EQTN: variants seen among roughly 807,000 people sequenced by gnomAD.
EQTN encodes the protein Acrosome formation associated factor.
EQTN carries 29 observed loss-of-function variants against 26.9 expected under a neutral mutation model. That is an observed-to-expected ratio of 1.08 (90% CI 0.80 to 1.47). The LOEUF (loss-of-function observed/expected upper bound fraction) is 1.47, where lower values mean the gene tolerates loss of function less well. EQTN is among the 40% of genes most tolerant of loss of function. The probability of loss-of-function intolerance (pLI) is 0.00; values close to 1 mark genes in which losing one functional copy is unlikely to be tolerated. For missense variants in EQTN, 391 were observed against 346.1 expected (o/e 1.13, Z -1.03); for synonymous variants, 129 against 120.0 (o/e 1.07, Z -0.49).
Position 27,297,084 on chromosome 9 carries a change from T to C in EQTN, c.-29A>G, listed in dbSNP as rs1465737555. 6.0e-6 allele frequency: 9 copies of C among 1,507,998 alleles called. No individual in the cohort carries two copies. Among genetic ancestry groups the C allele is most frequent in the Non-Finnish European group, 7.3e-6 (8 of 1,091,572 alleles). 93.4% of individuals were successfully genotyped at this position (1,507,998 alleles called of 1,614,324 possible). On this transcript the variant is annotated 5_prime_UTR_variant, in exon 1 of 8. Transcript: ENST00000380032. ...GAAATTGAAGTGATTTATCCAGTAA[T>C]CTAGTGCGTCTACCCAGAGCCTCCT...
At chr9:27,289,620 G>T in intron 6 of EQTN, 52 bp downstream of exon 6, 1 of 1,491,692 alleles carries the variant, frequency 6.7e-7, no homozygotes, top group Non-Finnish European at 9.2e-7. Context: ...AAAGTGCTGG[G>T]ATTATAGGCA....
Position 27,294,394 on chromosome 9 carries a change from T to G in EQTN, c.211A>C (p.Thr71Pro), listed in dbSNP as rs1488031325. 4 of 1,592,434 alleles carry G rather than the reference T, an allele frequency of 2.5e-6. No homozygotes were observed. The highest frequency in any genetic ancestry group is 3.4e-6 in the Non-Finnish European group (4 of 1,166,044). ...TCAGTGCCATTTGGATTTTGTGTTG[T>G]GAACACATCTAAAAACAAAAGCGAA... ...YYKDIKQYVF[T>P]TQNPNGTESE... The change falls in exon 3 of 8, where the codon ACA becomes CCA. Residue 71 changes from threonine to proline, a missense_variant. Transcript: ENST00000380032.
At chr9:27,288,803 G>T (rs1820170167) in intron 6 of EQTN, among the ~76,000 whole-genome samples, 1 of 152,236 alleles carries the variant, frequency 6.6e-6, no homozygotes, top group Non-Finnish European at 1.5e-5. Context: ...TCTAGAAAAG[G>T]CAAAACTATA....
chr9:27,296,294 C>A (rs1820341973), intron 2 of EQTN, among the ~76,000 whole-genome samples: 1 of 152,138 alleles, frequency 6.6e-6, no homozygotes, highest in Non-Finnish European at 1.5e-5. Context: ...GGTGACAGAG[C>A]AAGACTCTGT....
At position 27,289,821 on chromosome 9, in the gene EQTN, C is replaced by A. The variant is rs114864861; in HGVS notation, c.422-90G>T. On this transcript the variant is annotated intron_variant, in intron 5 of 7. Coordinates refer to ENST00000380032, the MANE Select transcript of EQTN (RefSeq NM_020641.3). ...TATGTGTATGTATAATTATAGTACC[C>A]AGTGTGTGTACAGTCTGTTCTCATT... 9.0e-4 allele frequency: 844 copies of A among 940,078 alleles called. 6 individuals carry two copies. The African/African-American group carries it at 0.012, about 14-fold the overall frequency. The allele number at this position is 940,078 out of a possible 1,614,324, so 58.2% of individuals were successfully genotyped here.
rs1230433726 is a variant in EQTN at position 27,294,327 on chromosome 9, G to A, written c.278C>T (p.Ala93Val). ...SVRATTDLNF[A>V]LKNDKTVNAT... Reference sequence around the variant, plus strand: ...CTTTCACTTCTTACCGTTTTTTAGAGCAAAATTCAGGTCAGTTGTGGCTCT... The same window carrying A: ...CTTTCACTTCTTACCGTTTTTTAGAACAAAATTCAGGTCAGTTGTGGCTCT... The change falls in exon 3 of 8, where the codon GCT (alanine) becomes GTT (valine). Residue 93 changes from alanine to valine, a missense_variant. Coordinates refer to ENST00000380032, the MANE Select transcript of EQTN (RefSeq NM_020641.3). 3.1e-6 allele frequency: 5 copies of A among 1,607,578 alleles called. No homozygotes were observed. Among genetic ancestry groups the A allele is most frequent in the Non-Finnish European group, 4.3e-6 (5 of 1,175,990 alleles).
intron 7 of EQTN, 27 bp downstream of exon 7, chr9:27,286,182 A>G: frequency 6.2e-7 from 1 of 1,607,176 alleles, no homozygotes; most frequent in Admixed American, 1.7e-5. Flanking sequence ...CATTTGTTGT[A>G]AAGACTGCAG....
chr9:27,285,171 A>G (rs1190426239), intron 7 of EQTN, among the ~76,000 whole-genome samples, 199 bp from the exon 8 acceptor site: 1 of 112,480 alleles, frequency 8.9e-6, no homozygotes, highest in Non-Finnish European at 1.7e-5. Flanking sequence ...TTGAGACAGA[A>G]TCTCACTCTA....
intron 2 of EQTN, among the ~76,000 whole-genome samples, chr9:27,294,910 C>G (rs1159445986): frequency 6.6e-6 from 1 of 152,134 alleles, no homozygotes; most frequent in African/African-American, 2.4e-5. Flanking sequence ...GTGGAGTTGG[C>G]TGCAATTCAA....
rs1820350954 is a variant in EQTN at position 27,296,658 on chromosome 9, G to C, written c.157C>G (p.Pro53Ala). Residue 53 changes from proline to alanine, a missense_variant, in exon 2 of 8, where the codon CCT becomes GCT. Coordinates refer to ENST00000380032, the MANE Select transcript of EQTN (RefSeq NM_020641.3). ...TAATTGCCATTTTTCTCATTAGCAG[G>C]AGCATAATTGGGAGTATGATCTTCA... is the stretch of plus-strand genomic sequence containing the variant. ...KNEDHTPNYA[P>A]ANEKNGNYYK... 2.5e-6 allele frequency: 4 copies of C among 1,586,760 alleles called. No homozygotes were observed. In the South Asian group the frequency reaches 3.4e-5, roughly 13 times the overall value.
chr9:27,290,250 T>G (rs1820206113), intron 5 of EQTN, among the ~76,000 whole-genome samples: 1 of 152,180 alleles, frequency 6.6e-6, no homozygotes, highest in Non-Finnish European at 1.5e-5. Context: ...TTAAGTGGGC[T>G]GCAAAAATGA....
intron 6 of EQTN, among the ~76,000 whole-genome samples, chr9:27,286,690 T>C (rs1279453966): frequency 1.3e-5 from 2 of 152,304 alleles, no homozygotes; most frequent in Admixed American, 1.3e-4. Flanking sequence ...TCAAAATGCA[T>C]ATATAGCAGA....
At chr9:27,285,018 A>G in intron 7 of EQTN, 46 bp from the exon 8 acceptor site, 1 of 1,539,000 alleles carries the variant, frequency 6.5e-7, no homozygotes. Flanking sequence ...TTAATTGTGT[A>G]CATTTGTAAC....
intron 6 of EQTN, among the ~76,000 whole-genome samples, chr9:27,287,981 T>C (rs1820155860): frequency 6.6e-6 from 1 of 152,148 alleles, no homozygotes; most frequent in Non-Finnish European, 1.5e-5. Context: ...TTTTTTGGTA[T>C]TTTTAACAGA....
chr9:27,289,619 G>C, intron 6 of EQTN, 53 bp downstream of exon 6: 1 of 1,480,768 alleles, frequency 6.8e-7, no homozygotes, highest in South Asian at 1.3e-5. Flanking sequence ...CAAAGTGCTG[G>C]GATTATAGGC....
intron 6 of EQTN, among the ~76,000 whole-genome samples, chr9:27,288,182 C>T (rs1421707093): frequency 6.6e-6 from 1 of 152,120 alleles, no homozygotes; most frequent in Non-Finnish European, 1.5e-5. Flanking sequence ...TTAGATATAT[C>T]ATCATGCTAT....
In EQTN at chr9:27,286,253, G is replaced by A. The variant is rs375629667; in HGVS notation, c.591C>T (p.Leu197=). ...ACAGTGTAGCACTACAGAATGCCAA[G>A]AGGACCACAAAGAGGAGGAGGGTCA... The part of the protein sequence containing the change: ...SLMTLLLFVV[L]LAFCSATLYK... Residue 197 remains leucine (L), a synonymous_variant, in exon 7 of 8, where the codon CTC becomes CTT. Transcript: ENST00000380032. 74 of 1,613,880 alleles carry A rather than the reference G, an allele frequency of 4.6e-5. No homozygotes were observed. Among genetic ancestry groups the A allele is most frequent in the Non-Finnish European group, 6.0e-5 (71 of 1,179,994 alleles).
At chr9:27,296,566 G>A (rs1199763360) in intron 2 of EQTN, 47 bp downstream of exon 2, 1 of 1,290,206 alleles carries the variant, frequency 7.8e-7, no homozygotes. Context: ...GTGAAACCAG[G>A]ATAATCAACT....
intron 4 of EQTN, among the ~76,000 whole-genome samples, chr9:27,291,915 A>C (rs138372944): frequency 3.3e-4 from 51 of 152,278 alleles, no homozygotes; most frequent in African/African-American, 1.2e-3. Flanking sequence ...ATATTTTATA[A>C]GGAACAATAT....
Sources: gnomAD v4.1 joint callset for allele counts (sites outside exome capture counted in the v4.1 genomes callset) on GRCh38, gnomAD v4.1.1 for gene constraint, MANE v1.5 for transcripts, NCBI Gene and HGNC (gene_info 2026-07-23, HGNC 2026-07-21) for gene names.